Variants in SPOCK1 observed in about 807,000 individuals in gnomAD.
The protein encoded by SPOCK1 is SPARC (osteonectin), cwcv and kazal like domains proteoglycan 1.
In SPOCK1, 23 loss-of-function variants were observed where a neutral mutation model predicts 55.3. That is an observed-to-expected ratio of 0.42 (90% confidence interval 0.30 to 0.59). The LOEUF (loss-of-function observed/expected upper bound fraction) is 0.59. SPOCK1 is among the 20% of genes least tolerant of loss of function. The probability of loss-of-function intolerance (pLI) is 0.22; values close to 1 mark genes in which losing one functional copy is unlikely to be tolerated. For synonymous variants in SPOCK1, 226 were observed against 221.0 expected, an observed-to-expected ratio of 1.02 and a Z score of -0.20; for missense variants, 499 against 552.5, an observed-to-expected ratio of 0.90 and a Z score of 0.97.
At chr5:137,336,702 G>T (rs952062936) in intron 2 of SPOCK1, among the ~76,000 whole-genome samples, 1 of 152,160 alleles carries the variant, frequency 6.6e-6, no homozygotes, top group African/African-American at 2.4e-5. Flanking sequence ...GCTCCTTCTA[G>T]CCTGAATGAG....
At chr5:136,983,582 G>T (rs1396489511) in intron 9 of SPOCK1, among the ~76,000 whole-genome samples, 1 of 142,562 alleles carries the variant, frequency 7.0e-6, no homozygotes, top group African/African-American at 2.5e-5. Flanking sequence ...GGACTGCAGA[G>T]AAAGTGAACA....
intron 5 of SPOCK1, among the ~76,000 whole-genome samples, chr5:137,076,460 C>T (rs1049612761): frequency 6.6e-6 from 1 of 152,086 alleles, no homozygotes; most frequent in African/African-American, 2.4e-5. Flanking sequence ...GTCTAACCAA[C>T]AAACATCATA....
intron 4 of SPOCK1, among the ~76,000 whole-genome samples, chr5:137,112,774 G>A (rs1216067706): frequency 2.0e-5 from 3 of 151,716 alleles, no homozygotes; most frequent in African/African-American, 7.3e-5. Context: ...CAAACCAGAT[G>A]GACTGAGGAA....
At chr5:137,359,561 T>G (rs1196165954) in intron 2 of SPOCK1, among the ~76,000 whole-genome samples, 3 of 152,248 alleles carry the variant, frequency 2.0e-5, no homozygotes, top group Non-Finnish European at 4.4e-5. Context: ...CAGCCAACCC[T>G]GCAGGATAGT....
intron 6 of SPOCK1, among the ~76,000 whole-genome samples, chr5:137,005,949 C>T (rs4246785): frequency 0.37 from 55,671 of 151,984 alleles, 11,720 homozygotes; most frequent in South Asian, 0.55. Flanking sequence ...CTAAGATCTA[C>T]CTAAATAAAG....
At chr5:137,315,231 A>G (rs575405109) in intron 2 of SPOCK1, among the ~76,000 whole-genome samples, 1 of 152,158 alleles carries the variant, frequency 6.6e-6, no homozygotes, top group South Asian at 2.1e-4. Flanking sequence ...AGAATTCAAC[A>G]CTAATCCTCA....
intron 6 of SPOCK1, among the ~76,000 whole-genome samples, chr5:137,055,037 T>G (rs1374774258): frequency 1.3e-5 from 2 of 152,036 alleles, no homozygotes; most frequent in East Asian, 1.9e-4. Flanking sequence ...AATGGTAGTA[T>G]GTCAAAATTA....
At chr5:137,244,456 C>A (rs1464559552) in intron 3 of SPOCK1, among the ~76,000 whole-genome samples, 1 of 152,042 alleles carries the variant, frequency 6.6e-6, no homozygotes, top group Non-Finnish European at 1.5e-5. Context: ...TTTGAGGCAA[C>A]TAAAAAGAAA....
chr5:137,398,227 GCAATGAGGTGGCA>G (rs1449683565), intron 2 of SPOCK1, among the ~76,000 whole-genome samples: 1 of 152,148 alleles, frequency 6.6e-6, no homozygotes, highest in East Asian at 1.9e-4. Context: ...CTGATGGGTT[GCAATGAGGTGGCA>G]CCATGACAAT....
intron 5 of SPOCK1, among the ~76,000 whole-genome samples, chr5:137,107,495 C>A (rs903217801): frequency 2.6e-5 from 4 of 152,190 alleles, no homozygotes; most frequent in African/African-American, 9.7e-5. Flanking sequence ...TGTTCCTTAT[C>A]TTTTATGGAT....
chr5:137,318,479 C>T (rs1207630758), intron 2 of SPOCK1, among the ~76,000 whole-genome samples: 1 of 152,186 alleles, frequency 6.6e-6, no homozygotes, highest in Admixed American at 6.5e-5. Flanking sequence ...TGTCTGTCTT[C>T]TCAGCCCAGT....
At chr5:137,130,041 T>C (rs986284526) in intron 4 of SPOCK1, among the ~76,000 whole-genome samples, 1 of 152,188 alleles carries the variant, frequency 6.6e-6, no homozygotes, top group Non-Finnish European at 1.5e-5. Context: ...CTTCCCGTAG[T>C]TGGTTTGACC....
At chr5:137,288,519 G>A (rs1243140605) in intron 2 of SPOCK1, among the ~76,000 whole-genome samples, 1 of 152,160 alleles carries the variant, frequency 6.6e-6, no homozygotes, top group Non-Finnish European at 1.5e-5. Context: ...ATTGGCCAGT[G>A]GGGTATAAAG....
intron 2 of SPOCK1, among the ~76,000 whole-genome samples, chr5:137,412,285 C>G (rs1752223086): frequency 6.6e-6 from 1 of 152,198 alleles, no homozygotes; most frequent in Non-Finnish European, 1.5e-5. Context: ...TGTTGGCACC[C>G]AATTTCTGCC....
chr5:137,058,220 A>G (rs897586869), intron 6 of SPOCK1, among the ~76,000 whole-genome samples: 2 of 152,218 alleles, frequency 1.3e-5, no homozygotes, highest in African/African-American at 4.8e-5. Flanking sequence ...GGTTAAGAAC[A>G]CAGTATAATG....
At chr5:137,084,607 C>G (rs1400638118) in intron 5 of SPOCK1, among the ~76,000 whole-genome samples, 3 of 151,696 alleles carry the variant, frequency 2.0e-5, no homozygotes, top group African/African-American at 7.3e-5. Flanking sequence ...ATTCCCTCAC[C>G]AAAAGTCCTA....
chr5:137,447,282 C>T (rs1350667791), intron 2 of SPOCK1, among the ~76,000 whole-genome samples: 1 of 152,180 alleles, frequency 6.6e-6, no homozygotes, highest in African/African-American at 2.4e-5. Flanking sequence ...AAGCCCTTCA[C>T]CAGCAGAGGA....
intron 2 of SPOCK1, among the ~76,000 whole-genome samples, chr5:137,380,362 A>T (rs1444067553): frequency 6.6e-6 from 1 of 152,250 alleles, no homozygotes; most frequent in South Asian, 2.1e-4. Flanking sequence ...TAAAGGAGAC[A>T]GAAGGTAATA....
At chr5:137,083,922 G>A (rs1046077981) in intron 5 of SPOCK1, among the ~76,000 whole-genome samples, 8 of 151,930 alleles carry the variant, frequency 5.3e-5, no homozygotes, top group Non-Finnish European at 8.8e-5. Context: ...AGAATCTGGA[G>A]GCAGACAAAC....
Sources: allele counts gnomAD v4.1 joint callset (sites outside exome capture counted in the v4.1 genomes callset), GRCh38; gene constraint gnomAD v4.1.1; transcripts MANE v1.5; gene names NCBI Gene and HGNC (gene_info 2026-07-23, HGNC 2026-07-21).